Variants in MMP16 observed in about 807,000 individuals in gnomAD.
MMP16 encodes matrix metallopeptidase 16.
In MMP16, 12 loss-of-function variants were observed where a neutral mutation model predicts 67.8. The ratio of observed to expected loss-of-function variants is 0.18; its 90% CI spans 0.11 to 0.29. The LOEUF is 0.29. Among genes scored for constraint, MMP16 ranks in the 10% least tolerant of loss-of-function variants. The pLI, the probability that MMP16 is intolerant of heterozygous loss-of-function variation, is 1.00. For synonymous variants in MMP16, 249 were observed against 255.9 expected (o/e 0.97, Z 0.26); for missense variants, 475 against 765.7 (o/e 0.62, Z 4.48).
At chr8:88,190,321 C>T (rs1365399156) in intron 2 of MMP16, among the ~76,000 whole-genome samples, 1 of 152,132 alleles carries the variant, frequency 6.6e-6, no homozygotes, top group Non-Finnish European at 1.5e-5. Flanking sequence ...CAAAGCACAT[C>T]ACACTACTGA....
intron 4 of MMP16, among the ~76,000 whole-genome samples, chr8:88,121,569 G>A (rs1311742742): frequency 6.6e-6 from 1 of 151,972 alleles, no homozygotes; most frequent in Non-Finnish European, 1.5e-5. Context: ...AACTGCTGCT[G>A]TAACTTATCA....
At chr8:88,187,737 A>G in intron 2 of MMP16, among the ~76,000 whole-genome samples, 1 of 152,192 alleles carries the variant, frequency 6.6e-6, no homozygotes, top group East Asian at 1.9e-4. Context: ...TGAAATAATA[A>G]CTTTTACTTC....
intron 3 of MMP16, among the ~76,000 whole-genome samples, chr8:88,178,474 T>A (rs1470246317): frequency 2.6e-5 from 4 of 152,108 alleles, no homozygotes; most frequent in Non-Finnish European, 5.9e-5. Flanking sequence ...AATAGAAACA[T>A]CCCAAATTGA....
At chr8:88,279,887 A>G (rs1743084442) in intron 1 of MMP16, among the ~76,000 whole-genome samples, 1 of 152,168 alleles carries the variant, frequency 6.6e-6, no homozygotes, top group Admixed American at 6.5e-5. Context: ...TGTAAGAACC[A>G]TGACACTGCC....
intron 1 of MMP16, among the ~76,000 whole-genome samples, chr8:88,249,673 T>C (rs1304778728): frequency 1.3e-5 from 2 of 151,976 alleles, no homozygotes; most frequent in East Asian, 3.9e-4. Context: ...TCATTTTCCT[T>C]TCCTGAGCAA....
At chr8:88,166,064 G>A (rs2129696734) in intron 4 of MMP16, among the ~76,000 whole-genome samples, 1 of 152,062 alleles carries the variant, frequency 6.6e-6, no homozygotes, top group East Asian at 1.9e-4. Flanking sequence ...TGAAATTGAT[G>A]TTATTTTAAA....
intron 7 of MMP16, among the ~76,000 whole-genome samples, chr8:88,071,838 C>A (rs910521339): frequency 6.6e-6 from 1 of 151,720 alleles, no homozygotes; most frequent in Non-Finnish European, 1.5e-5. Context: ...ACAACACACA[C>A]AAAAAACAAA....
chr8:88,226,485 T>C (rs563370517), intron 1 of MMP16, among the ~76,000 whole-genome samples: 1 of 152,214 alleles, frequency 6.6e-6, no homozygotes, highest in East Asian at 1.9e-4. Context: ...TCATACCTTT[T>C]AACTGTAGAA....
At chr8:88,046,841 T>G (rs1168005727) in intron 8 of MMP16, 57 bp from the exon 9 acceptor site, 1 of 1,111,324 alleles carries the variant, frequency 9.0e-7, no homozygotes, top group African/African-American at 1.6e-5. Flanking sequence ...AGGGAAAGAT[T>G]ATGCATACAA....
intron 1 of MMP16, among the ~76,000 whole-genome samples, chr8:88,210,936 C>A (rs1198384646): frequency 6.6e-6 from 1 of 152,044 alleles, no homozygotes. Context: ...ATAATTATCA[C>A]AACAAGCCTA....
chr8:88,119,886 T>C (rs1435425762), intron 4 of MMP16, among the ~76,000 whole-genome samples: 1 of 152,084 alleles, frequency 6.6e-6, no homozygotes, highest in Admixed American at 6.6e-5. Flanking sequence ...ATTTAATAAT[T>C]TCAAGCATCA....
intron 9 of MMP16, among the ~76,000 whole-genome samples, chr8:88,044,769 C>G (rs1482690301): frequency 6.6e-6 from 1 of 152,134 alleles, no homozygotes; most frequent in Non-Finnish European, 1.5e-5. Context: ...GAGAGCAGTG[C>G]CTCTGTGTTC....
rs1778835900 is a variant in MMP16, at chr8:88,035,425, T to A, written c.*6036A>T. The A allele has an allele frequency of 6.6e-6, 1 of 152,056 alleles. No homozygotes were observed. The highest frequency in any genetic ancestry group is 2.1e-4 in the South Asian group (1 of 4,834). The allele number at this position is 152,056 out of a possible 1,614,324, so 9.4% of individuals were successfully genotyped here. ...GTCCAATGATGCATAAAACAAATTC[T>A]AAGACACACTCATCTTTAAGTTGAA... On this transcript the variant is annotated 3_prime_UTR_variant, in exon 10 of 10. Transcript: ENST00000286614. The surrounding 1 kb of genome is among the most constrained non-coding windows in gnomAD (Gnocchi z 4.7).
intron 7 of MMP16, among the ~76,000 whole-genome samples, chr8:88,067,412 G>T (rs1808477604): frequency 6.6e-6 from 1 of 151,994 alleles, no homozygotes; most frequent in Non-Finnish European, 1.5e-5. Flanking sequence ...TATGCACTTA[G>T]TAAAGCTTCT....
intron 2 of MMP16, among the ~76,000 whole-genome samples, chr8:88,189,170 A>G (rs1197718597): frequency 2.6e-5 from 4 of 152,146 alleles, no homozygotes; most frequent in Non-Finnish European, 5.9e-5. Context: ...GAAAGTATGG[A>G]TTAGAAGATG....
chr8:88,083,613 C>T (rs1451314326), intron 6 of MMP16, among the ~76,000 whole-genome samples: 3 of 152,106 alleles, frequency 2.0e-5, no homozygotes, highest in Admixed American at 6.6e-5. Flanking sequence ...ACTCTTTTCA[C>T]TGAAAATTGG....
At chr8:88,323,431 T>C (rs1197948921) in intron 1 of MMP16, among the ~76,000 whole-genome samples, 1 of 152,176 alleles carries the variant, frequency 6.6e-6, no homozygotes, top group Non-Finnish European at 1.5e-5. Context: ...TTATACTCAA[T>C]TCATATTTGT....
At chr8:88,142,035 A>C (rs1808219847) in intron 4 of MMP16, among the ~76,000 whole-genome samples, 1 of 151,648 alleles carries the variant, frequency 6.6e-6, no homozygotes, top group Non-Finnish European at 1.5e-5. Context: ...CTCCTGTCTC[A>C]GCCTCCCAAG....
intron 4 of MMP16, among the ~76,000 whole-genome samples, chr8:88,154,864 T>A (rs1011872942): frequency 6.6e-5 from 9 of 136,202 alleles, no homozygotes; most frequent in Admixed American, 1.5e-4. Context: ...ACTTAAAGTA[T>A]AATACAAAAA....
Sources: allele counts gnomAD v4.1 joint callset (sites outside exome capture counted in the v4.1 genomes callset), GRCh38; gene constraint gnomAD v4.1.1; non-coding constraint Gnocchi (gnomAD v3.1); transcripts MANE v1.5; gene names NCBI Gene and HGNC (gene_info 2026-07-23, HGNC 2026-07-21).